Variants in TENM4 observed in about 807,000 individuals in gnomAD.
The protein encoded by TENM4 is teneurin transmembrane protein 4.
A neutral mutation model predicts 243.3 loss-of-function variants in TENM4; 82 were observed. The observed-to-expected ratio is 0.34, with a 90% CI of 0.28 to 0.40. The LOEUF (loss-of-function observed/expected upper bound fraction) is 0.40, where lower values mean the gene tolerates loss of function less well. TENM4 is among the 10% of genes least tolerant of loss of function. The pLI is 1.00. For synonymous variants in TENM4, 1,412 were observed against 1,456.3 expected (o/e 0.97, Z 0.69); for missense variants, 3,138 against 3,673.3 (o/e 0.85, Z 3.77).
chr11:79,414,698 A>T (rs576707044), intron 1 of TENM4, among the ~76,000 whole-genome samples: 3 of 152,126 alleles, frequency 2.0e-5, no homozygotes, highest in African/African-American at 7.2e-5. Context: ...TCATTTTTTT[A>T]AAACAGTAAT....
chr11:79,397,101 C>G (rs1008232564), intron 1 of TENM4, among the ~76,000 whole-genome samples: 1 of 152,050 alleles, frequency 6.6e-6, no homozygotes, highest in Non-Finnish European at 1.5e-5. Context: ...TTTGGCTTGA[C>G]GTGTTAGGGC....
chr11:78,944,527 C>T (rs144567059), intron 6 of TENM4, among the ~76,000 whole-genome samples: 15 of 152,306 alleles, frequency 9.8e-5, no homozygotes, highest in African/African-American at 3.1e-4. Context: ...TAAGAGACAG[C>T]TTCAAAAGGG....
chr11:78,973,823 G>C (rs1178915739), intron 6 of TENM4, among the ~76,000 whole-genome samples: 1 of 151,576 alleles, frequency 6.6e-6, no homozygotes, highest in African/African-American at 2.4e-5. Flanking sequence ...TGATGGCATG[G>C]GCGTGTTATT....
intron 1 of TENM4, among the ~76,000 whole-genome samples, chr11:79,316,044 T>C (rs1183783654): frequency 6.6e-6 from 1 of 152,194 alleles, no homozygotes; most frequent in Non-Finnish European, 1.5e-5. Context: ...CTAAAAAGTA[T>C]TCATTATTAG....
chr11:79,060,850 C>A (rs1326149796), intron 6 of TENM4, among the ~76,000 whole-genome samples: 1 of 152,132 alleles, frequency 6.6e-6, no homozygotes, highest in Non-Finnish European at 1.5e-5. Context: ...TTTGCTCTAC[C>A]CCTGAGAAGT....
At chr11:78,867,449 GTA>G (rs1427513597) in intron 9 of TENM4, among the ~76,000 whole-genome samples, 1 of 152,178 alleles carries the variant, frequency 6.6e-6, no homozygotes, top group African/African-American at 2.4e-5. Flanking sequence ...TTCTTTTACT[GTA>G]TTGTTAGGCA....
intron 18 of TENM4, among the ~76,000 whole-genome samples, chr11:78,763,128 G>A (rs1565368808): frequency 6.6e-6 from 1 of 152,194 alleles, no homozygotes; most frequent in Non-Finnish European, 1.5e-5. Flanking sequence ...AAAGAAATCA[G>A]GAAAGCAGAG....
chr11:78,666,176 T>A (rs1313890821), intron 32 of TENM4, among the ~76,000 whole-genome samples: 1 of 152,242 alleles, frequency 6.6e-6, no homozygotes, highest in Non-Finnish European at 1.5e-5. Context: ...CACATCTTTT[T>A]AAATTTGCTA....
At chr11:79,276,528 C>A (rs1274714041) in intron 2 of TENM4, among the ~76,000 whole-genome samples, 1 of 152,196 alleles carries the variant, frequency 6.6e-6, no homozygotes, top group Non-Finnish European at 1.5e-5. Context: ...AGGGATACAT[C>A]CGGCATGCAT....
chr11:79,116,139 C>T (rs2137118162), intron 4 of TENM4, among the ~76,000 whole-genome samples: 1 of 152,326 alleles, frequency 6.6e-6, no homozygotes, highest in South Asian at 2.1e-4. Context: ...CCACATTGGT[C>T]TTACCGTAGG....
intron 1 of TENM4, among the ~76,000 whole-genome samples, chr11:79,306,584 G>A (rs1051058181): frequency 2.0e-5 from 3 of 152,140 alleles, no homozygotes; most frequent in Non-Finnish European, 4.4e-5. Context: ...TCTTCCCTAA[G>A]GCAAGAAATG....
At chr11:78,910,721 T>C (rs1039159726) in intron 6 of TENM4, among the ~76,000 whole-genome samples, 7 of 152,246 alleles carry the variant, frequency 4.6e-5, no homozygotes, top group African/African-American at 1.7e-4. Flanking sequence ...AAGTCCACAA[T>C]GTAACCACCA....
intron 17 of TENM4, among the ~76,000 whole-genome samples, chr11:78,773,168 C>G (rs971634452): frequency 6.6e-6 from 1 of 152,234 alleles, no homozygotes; most frequent in Non-Finnish European, 1.5e-5. Flanking sequence ...GAAGTAGGGT[C>G]TGATCTTTAA....
intron 19 of TENM4, among the ~76,000 whole-genome samples, chr11:78,741,740 G>A (rs1855935304): frequency 6.6e-6 from 1 of 152,160 alleles, no homozygotes; most frequent in African/African-American, 2.4e-5. Flanking sequence ...CTGAGGGTTG[G>A]GCACTCGCTC....
At chr11:78,843,137 G>A (rs996806585) in intron 12 of TENM4, among the ~76,000 whole-genome samples, 2 of 152,092 alleles carry the variant, frequency 1.3e-5, no homozygotes, top group Non-Finnish European at 2.9e-5. Flanking sequence ...AATTAGCTGG[G>A]CATGGTGGTG....
intron 6 of TENM4, among the ~76,000 whole-genome samples, chr11:78,972,987 C>T (rs1857577034): frequency 6.6e-6 from 1 of 152,190 alleles, no homozygotes. Context: ...AAGGGTTCAT[C>T]CAAATTGAAG....
chr11:79,208,722 A>G (rs778441121), intron 3 of TENM4, among the ~76,000 whole-genome samples: 35 of 152,194 alleles, frequency 2.3e-4, no homozygotes, highest in Non-Finnish European at 4.6e-4. Context: ...TGGACTGTGA[A>G]ATGCCTAGCA....
intron 4 of TENM4, among the ~76,000 whole-genome samples, chr11:79,132,778 T>C (rs12283464): frequency 0.36 from 54,559 of 152,044 alleles, 11,672 homozygotes; most frequent in Middle Eastern, 0.5. Context: ...AGATGGAAAT[T>C]TAAAAATTCT....
intron 6 of TENM4, among the ~76,000 whole-genome samples, chr11:79,053,687 T>C (rs1282690520): frequency 1.3e-5 from 2 of 152,170 alleles, no homozygotes; most frequent in African/African-American, 4.8e-5. Context: ...GCTTGTCACT[T>C]TGGGGAGAGT....
Sources: allele counts gnomAD v4.1 joint callset (sites outside exome capture counted in the v4.1 genomes callset), GRCh38; gene constraint gnomAD v4.1.1; transcripts MANE v1.5; gene names NCBI Gene and HGNC (gene_info 2026-07-23, HGNC 2026-07-21).